The following STK32B variants were observed in gnomAD, a reference collection of about 807,000 sequenced individuals.
STK32B encodes serine/threonine kinase 32B.
Under a neutral mutation model 52.6 loss-of-function variants are expected in STK32B, and 43 were observed. That is an observed-to-expected ratio of 0.82 (90% CI 0.64 to 1.05). The LOEUF is 1.05. Ranked by LOEUF, STK32B falls within the 50% of genes least tolerant of loss-of-function variation. STK32B has a pLI of 0.00. For missense variants in STK32B, 621 were observed against 534.6 expected, an observed-to-expected ratio of 1.16 and a Z score of -1.59; for synonymous variants, 238 against 204.3, an observed-to-expected ratio of 1.17 and a Z score of -1.41.
intron 3 of STK32B, among the ~76,000 whole-genome samples, chr4:5,176,130 G>T (rs989818070): frequency 1.3e-5 from 2 of 152,228 alleles, no homozygotes; most frequent in African/African-American, 2.4e-5. Flanking sequence ...CTGGTGTGCC[G>T]TTTGTTGCGC....
At chr4:5,328,131 T>C (rs2108949503) in intron 3 of STK32B, among the ~76,000 whole-genome samples, 1 of 152,354 alleles carries the variant, frequency 6.6e-6, no homozygotes, top group South Asian at 2.1e-4. Flanking sequence ...GGCCTTGCTC[T>C]GGATTAGGAT....
rs1294117995 is a variant in STK32B, at chr4:5,416,914, C to G, written c.542C>G (p.Ala181Gly). 6.2e-7 allele frequency: 1 copy of G among 1,613,492 alleles called. No homozygotes were observed. The highest frequency in any genetic ancestry group is 1.1e-5 in the South Asian group (1 of 90,842). ...VKGAERASSM[A>G]GTKPYMAPEV... is the part of the protein sequence containing the mutation. ...GGAGCAGAAAGGGCTTCCTCCATGG[C>G]TGGCACCAAGCCCTACATGGGTGAG... The change falls in exon 6 of 12, where the codon GCT becomes GGT. Residue 181 changes from alanine (A) to glycine (G), a missense_variant. By Grantham distance (60) the Ala-to-Gly change is moderately conservative (BLOSUM62 0). Coordinates refer to ENST00000282908, the MANE Select transcript of STK32B (RefSeq NM_018401.3).
At chr4:5,027,085 G>A in the STK32B span, among the ~76,000 whole-genome samples, 4 of 152,168 alleles carry the variant, frequency 2.6e-5, no homozygotes, top group South Asian at 6.2e-4. Context: ...ATACCTAGCC[G>A]GACATTGCCT....
At chr4:5,390,964 C>CTTTTTTTT (rs71638602) in intron 4 of STK32B, among the ~76,000 whole-genome samples, 7 of 124,036 alleles carry the variant, frequency 5.6e-5, no homozygotes, top group East Asian at 2.4e-4. Flanking sequence ...TCTTTTCTAT[C>CTTTTTTTT]TTTTTTTTTT....
At chr4:5,360,552 T>C (rs1734479556) in intron 4 of STK32B, among the ~76,000 whole-genome samples, 1 of 152,110 alleles carries the variant, frequency 6.6e-6, no homozygotes, top group Non-Finnish European at 1.5e-5. Context: ...ATGTGGGGTG[T>C]TGGGGCCATT....
At chr4:5,340,046 C>T (rs996900043) in intron 4 of STK32B, among the ~76,000 whole-genome samples, 8 of 152,168 alleles carry the variant, frequency 5.3e-5, no homozygotes, top group Admixed American at 6.5e-5. Flanking sequence ...AGGGAAATGC[C>T]ACTGTCAGTC....
chr4:5,336,287 C>T (rs908855611), intron 4 of STK32B, among the ~76,000 whole-genome samples: 1 of 151,588 alleles, frequency 6.6e-6, no homozygotes, highest in African/African-American at 2.4e-5. Context: ...GAGATTGTGC[C>T]ATCAAAGGTT....
chr4:5,299,880 C>A (rs1448179539), intron 3 of STK32B, among the ~76,000 whole-genome samples: 1 of 152,112 alleles, frequency 6.6e-6, no homozygotes, highest in East Asian at 1.9e-4. Flanking sequence ...GAGCTGGTAC[C>A]AATCCACTGA....
chr4:5,134,222 C>G (rs759698807), intron 1 of STK32B, among the ~76,000 whole-genome samples: 2 of 152,130 alleles, frequency 1.3e-5, no homozygotes. Flanking sequence ...TTAACGTGTT[C>G]CCCAAAGTTT....
chr4:5,102,710 G>T (rs1278667135), intron 1 of STK32B, among the ~76,000 whole-genome samples: 58 of 148,410 alleles, frequency 3.9e-4, no homozygotes, highest in Non-Finnish European at 4.3e-4. Context: ...TTTTTTTTTT[G>T]TTTTTAATTT....
intron 3 of STK32B, among the ~76,000 whole-genome samples, chr4:5,220,788 G>A (rs1577208287): frequency 1.3e-5 from 2 of 152,286 alleles, no homozygotes; most frequent in South Asian, 4.1e-4. Flanking sequence ...CAGAGGCAGG[G>A]AGGTCGTGAG....
At chr4:5,427,240 C>A (rs1175834165) in intron 6 of STK32B, among the ~76,000 whole-genome samples, 1 of 152,092 alleles carries the variant, frequency 6.6e-6, no homozygotes, top group African/African-American at 2.4e-5. Context: ...CCAGAAGAAA[C>A]CCTGTTTGAT....
chr4:5,326,898 C>A (rs1731914685), intron 3 of STK32B, among the ~76,000 whole-genome samples: 1 of 152,174 alleles, frequency 6.6e-6, no homozygotes, highest in Admixed American at 6.5e-5. Context: ...ATTTTGCCCA[C>A]AGTAGAACTT....
At chr4:5,237,633 T>G (rs1034916141) in intron 3 of STK32B, among the ~76,000 whole-genome samples, 10 of 152,130 alleles carry the variant, frequency 6.6e-5, no homozygotes, top group African/African-American at 2.4e-4. Context: ...GTGCAGGAAA[T>G]GAATGTGAGG....
chr4:5,057,427 C>G (rs1311919104), intron 1 of STK32B, among the ~76,000 whole-genome samples: 1 of 152,156 alleles, frequency 6.6e-6, no homozygotes, highest in Non-Finnish European at 1.5e-5. Context: ...TAAATGGCAG[C>G]CTGTGGTGAT....
At chr4:5,146,126 G>A (rs1398885039) in intron 2 of STK32B, among the ~76,000 whole-genome samples, 6 of 150,996 alleles carry the variant, frequency 4.0e-5, no homozygotes, top group African/African-American at 1.2e-4. Context: ...TGTGTACGAC[G>A]ATTGTCTAGA....
chr4:5,188,877 G>A (rs1426194906), intron 3 of STK32B, among the ~76,000 whole-genome samples: 4 of 151,016 alleles, frequency 2.6e-5, no homozygotes, highest in Admixed American at 2.6e-4. Context: ...GTGGGGGGCT[G>A]GGGGAGGAAT....
intron 1 of STK32B, among the ~76,000 whole-genome samples, chr4:5,104,696 G>A (rs995231176): frequency 8.5e-5 from 13 of 152,168 alleles, no homozygotes; most frequent in Non-Finnish European, 1.5e-5. Flanking sequence ...CTTCTTCTCT[G>A]AGGTCATTCT....
At chr4:5,317,451 A>G (rs1156813663) in intron 3 of STK32B, among the ~76,000 whole-genome samples, 1 of 95,010 alleles carries the variant, frequency 1.1e-5, no homozygotes, top group African/African-American at 7.4e-5. Flanking sequence ...TATACATAAT[A>G]TATATAATAT....
Sources: gnomAD v4.1 joint callset for allele counts (sites outside exome capture counted in the v4.1 genomes callset) on GRCh38, gnomAD v4.1.1 for gene constraint, MANE v1.5 for transcripts, NCBI Gene and HGNC (gene_info 2026-07-23, HGNC 2026-07-21) for gene names.